Variants in LEPR observed in about 807,000 individuals in gnomAD.
The protein encoded by LEPR is leptin receptor, also known as OB receptor.
In LEPR, 56 loss-of-function variants were observed where a neutral mutation model predicts 114.7. That is an observed-to-expected ratio of 0.49 (90% CI 0.39 to 0.61). The LOEUF (loss-of-function observed/expected upper bound fraction) is 0.61, where lower values mean the gene tolerates loss of function less well. Among genes scored for constraint, LEPR ranks in the 20% least tolerant of loss-of-function variants. The probability of loss-of-function intolerance (pLI) is 0.00; values close to 1 mark genes in which losing one functional copy is unlikely to be tolerated. For synonymous variants in LEPR, 443 were observed against 461.4 expected, an observed-to-expected ratio of 0.96 and a Z score of 0.51; for missense variants, 1,202 against 1,352.9, an observed-to-expected ratio of 0.89 and a Z score of 1.75.
chr1:65,509,041 C>A (rs1002041224), intron 2 of LEPR, among the ~76,000 whole-genome samples: 1 of 151,884 alleles, frequency 6.6e-6, no homozygotes, highest in Non-Finnish European at 1.5e-5. Flanking sequence ...AATTTTGTAT[C>A]CTGCAACTTT....
chr1:65,558,150 T>A (rs906420169), intron 2 of LEPR, among the ~76,000 whole-genome samples: 8 of 152,224 alleles, frequency 5.3e-5, no homozygotes, highest in Non-Finnish European at 1.5e-5. Context: ...CTTGAGTTTA[T>A]TTTATGAGAA....
rs765370305 is a variant in LEPR at position 65,610,065 on chromosome 1, A to G, written c.1871A>G (p.Asn624Ser). The G allele has an allele frequency of 6.2e-7, 1 of 1,614,096 alleles. No individual in the cohort carries two copies. Among genetic ancestry groups the G allele is most frequent in the East Asian group, 2.2e-5 (1 of 44,888 alleles). The stretch of plus-strand genomic sequence containing the variant: ...CTAGATGGACTGGGATATTGGAGTA[A>G]TTGGAGCAATCCAGCCTACACAGTT... ...KRLDGLGYWS[N>S]WSNPAYTVVM... Residue 624 changes from asparagine to serine, a missense_variant, in exon 13 of 20, where the codon AAT becomes AGT. By Grantham distance (46) the Asn-to-Ser change is conservative. Transcript: ENST00000349533.
chr1:65,559,976 A>C (rs1653190346), intron 2 of LEPR, among the ~76,000 whole-genome samples: 1 of 146,928 alleles, frequency 6.8e-6, no homozygotes, highest in Non-Finnish European at 1.5e-5. Context: ...GTTTGAAGTC[A>C]GGTAGTGTAA....
Position 65,633,405 on chromosome 1 carries a change from C to A in LEPR, c.2674-2786C>A. On this transcript the variant is annotated intron_variant, in intron 19 of 19. Transcript: ENST00000349533. This position sits in a 1 kb window ranked among gnomAD's most constrained non-coding sequence, Gnocchi z 4.1. ...TTGGATGTGTGATTAATTTTCAAAT[C>A]ATCTAAAGTTTAAAAGTAGTATTCA... 1.5e-6 allele frequency: 2 copies of A among 1,323,154 alleles called. No homozygotes were observed. The highest frequency in any genetic ancestry group is 3.4e-5 in the Admixed American group (1 of 29,338). 82.0% of individuals were successfully genotyped at this position (1,323,154 alleles called of 1,614,324 possible).
intron 2 of LEPR, among the ~76,000 whole-genome samples, chr1:65,516,716 T>C (rs1252528957): frequency 6.6e-6 from 1 of 152,242 alleles, no homozygotes; most frequent in African/African-American, 2.4e-5. Context: ...TAAGAAGGCA[T>C]TTACTTAAAT....
intron 2 of LEPR, among the ~76,000 whole-genome samples, chr1:65,468,239 A>T (rs1285825877): frequency 6.6e-6 from 1 of 152,192 alleles, no homozygotes; most frequent in African/African-American, 2.4e-5. Flanking sequence ...ACTCAATGTA[A>T]TGTGGTGTCC....
At chr1:65,459,002 G>T (rs1216997398) in intron 2 of LEPR, among the ~76,000 whole-genome samples, 1 of 152,132 alleles carries the variant, frequency 6.6e-6, no homozygotes, top group African/African-American at 2.4e-5. Flanking sequence ...TCATTTCTGT[G>T]AGACAGACAT....
At position 65,420,681 on chromosome 1, in the gene LEPR, C is replaced by T. The variant is rs757467646; in HGVS notation, c.-156C>T. 1.9e-6 allele frequency: 3 copies of T among 1,566,182 alleles called. No homozygotes were observed. The highest frequency in any genetic ancestry group is 2.4e-5 in the East Asian group (1 of 42,372). ...TCTGGCTTGGGCAGGCTGCCCGGGCCGTGGCAGGAAGCCGGAAGCAGCCGC... is the reference window on the plus strand; with the variant it reads ...TCTGGCTTGGGCAGGCTGCCCGGGCTGTGGCAGGAAGCCGGAAGCAGCCGC... On this transcript the variant is annotated 5_prime_UTR_variant, in exon 1 of 20. Transcript: ENST00000349533.
At chr1:65,529,549 AAGGG>A (rs144507703) in intron 2 of LEPR, among the ~76,000 whole-genome samples, 7,268 of 100,056 alleles carry the variant, frequency 0.073, 386 homozygotes, top group South Asian at 0.32. Context: ...GGAAGGGAGG[AAGGG>A]AGGGAGGGAG....
At chr1:65,609,603 C>T (rs370012894) in intron 12 of LEPR, among the ~76,000 whole-genome samples, 3 of 152,182 alleles carry the variant, frequency 2.0e-5, no homozygotes, top group Non-Finnish European at 2.9e-5. Context: ...CTAACCAATA[C>T]GTTTAAATTC....
chr1:65,438,258 A>G (rs553981274), intron 2 of LEPR, among the ~76,000 whole-genome samples: 1 of 152,062 alleles, frequency 6.6e-6, no homozygotes, highest in Non-Finnish European at 1.5e-5. Context: ...TGGCCACGAT[A>G]AAGAAGAGAC....
intron 2 of LEPR, among the ~76,000 whole-genome samples, chr1:65,546,798 A>G (rs1174726170): frequency 1.3e-5 from 2 of 152,098 alleles, no homozygotes; most frequent in Non-Finnish European, 2.9e-5. Flanking sequence ...AATACCCTTT[A>G]TTTCCTTCTC....
intron 5 of LEPR, among the ~76,000 whole-genome samples, chr1:65,579,708 C>T (rs1036541866): frequency 6.6e-6 from 1 of 152,166 alleles, no homozygotes; most frequent in African/African-American, 2.4e-5. Context: ...AGGCAAAATG[C>T]TCAGTTTTAA....
chr1:65,549,928 C>T (rs1652158099), intron 2 of LEPR, among the ~76,000 whole-genome samples: 3 of 152,126 alleles, frequency 2.0e-5, no homozygotes, highest in African/African-American at 4.8e-5. Flanking sequence ...TCTGTTTTTT[C>T]CCCATCTTTG....
chr1:65,477,973 C>A (rs966572162), intron 2 of LEPR, among the ~76,000 whole-genome samples: 2 of 152,224 alleles, frequency 1.3e-5, no homozygotes, highest in East Asian at 1.9e-4. Flanking sequence ...TTTGTTCAAC[C>A]AAATAAATGG....
chr1:65,479,325 T>A (rs1226420364), intron 2 of LEPR, among the ~76,000 whole-genome samples: 2 of 152,176 alleles, frequency 1.3e-5, no homozygotes, highest in Non-Finnish European at 2.9e-5. Flanking sequence ...ATGGAACATT[T>A]ATGAATCTAG....
intron 2 of LEPR, among the ~76,000 whole-genome samples, chr1:65,536,471 A>T (rs1650786416): frequency 6.6e-6 from 1 of 152,182 alleles, no homozygotes; most frequent in South Asian, 2.1e-4. Context: ...TTACAACATG[A>T]ATGAATTAAG....
At chr1:65,501,700 T>C (rs1388929147) in intron 2 of LEPR, among the ~76,000 whole-genome samples, 1 of 152,028 alleles carries the variant, frequency 6.6e-6, no homozygotes, top group African/African-American at 2.4e-5. Context: ...TTCAGAGTGA[T>C]TTCTTAGGCT....
In LEPR at chr1:65,547,580, C is replaced by T. The variant is rs560859275; in HGVS notation, c.-20-17966C>T. 4.6e-5 allele frequency among the ~76,000 whole-genome samples: 7 copies of T among 151,684 alleles called. 1 individual carries two copies. The highest frequency in any genetic ancestry group is 3.9e-4 in the Admixed American group (6 of 15,220). ...AATTTATCCATTTCTTCTAGATTTTCTAGTTTATTTGCATAGAGGTGTTTG... is the reference window on the plus strand; with the variant it reads ...AATTTATCCATTTCTTCTAGATTTTTTAGTTTATTTGCATAGAGGTGTTTG... On this transcript the variant is annotated intron_variant, in intron 2 of 19. Transcript: ENST00000349533.
Sources: allele counts gnomAD v4.1 joint callset (sites outside exome capture counted in the v4.1 genomes callset), GRCh38; gene constraint gnomAD v4.1.1; non-coding constraint Gnocchi (gnomAD v3.1); transcripts MANE v1.5; gene names NCBI Gene and HGNC (gene_info 2026-07-23, HGNC 2026-07-21).